Variants in QTMAN observed in about 807,000 individuals in gnomAD.
QTMAN encodes the protein tRNA-queuosine alpha-mannosyltransferase.
the QTMAN span, among the ~76,000 whole-genome samples, chr2:144,052,367 G>A: frequency 6.6e-6 from 1 of 152,196 alleles, no homozygotes; most frequent in East Asian, 1.9e-4. Flanking sequence ...ATATTGCGGG[G>A]TTAAGAAAAC....
the QTMAN span, among the ~76,000 whole-genome samples, chr2:144,221,781 A>C: frequency 1.3e-5 from 2 of 152,364 alleles, no homozygotes; most frequent in East Asian, 3.9e-4. Flanking sequence ...AAATTCATTT[A>C]AAAACTAATC....
chr2:144,266,256 T>C, the QTMAN span, among the ~76,000 whole-genome samples: 1 of 152,144 alleles, frequency 6.6e-6, no homozygotes, highest in African/African-American at 2.4e-5. Context: ...TAGGATTAAG[T>C]AGCAAAATGA....
chr2:144,012,213 C>T, the QTMAN span, among the ~76,000 whole-genome samples: 1 of 152,114 alleles, frequency 6.6e-6, no homozygotes, highest in Non-Finnish European at 1.5e-5. Context: ...CACAAAACCC[C>T]AGTACTATGT....
At chr2:144,284,321 G>A in the QTMAN span, among the ~76,000 whole-genome samples, 3 of 151,864 alleles carry the variant, frequency 2.0e-5, no homozygotes, top group Non-Finnish European at 4.4e-5. Flanking sequence ...ACAACATTAT[G>A]TCTAGCAGAA....
chr2:144,327,772 G>A, the QTMAN span, among the ~76,000 whole-genome samples: 1 of 152,074 alleles, frequency 6.6e-6, no homozygotes, highest in East Asian at 1.9e-4. Context: ...CCCCCTAAAG[G>A]TAGGGGAGAT....
chr2:144,088,096 A>G, the QTMAN span, among the ~76,000 whole-genome samples: 1 of 152,112 alleles, frequency 6.6e-6, no homozygotes, highest in African/African-American at 2.4e-5. Flanking sequence ...AAATGAATTC[A>G]GTAAAGTTGC....
At chr2:144,003,482 G>A in the QTMAN span, among the ~76,000 whole-genome samples, 4 of 150,218 alleles carry the variant, frequency 2.7e-5, no homozygotes, top group Non-Finnish European at 5.9e-5. Flanking sequence ...TTCTCTATAA[G>A]TTATTTCTAC....
At chr2:144,296,553 C>T in the QTMAN span, among the ~76,000 whole-genome samples, 1 of 152,266 alleles carries the variant, frequency 6.6e-6, no homozygotes, top group Non-Finnish European at 1.5e-5. Flanking sequence ...CAATCACTTA[C>T]AGCTAATACA....
At chr2:144,182,841 T>TATATATATA in the QTMAN span, among the ~76,000 whole-genome samples, 41 of 66,084 alleles carry the variant, frequency 6.2e-4, no homozygotes, top group African/African-American at 1.1e-3. Context: ...ATATATATAT[T>TATATATATA]ATATATATAT....
the QTMAN span, among the ~76,000 whole-genome samples, chr2:144,176,882 T>TG: frequency 6.6e-6 from 1 of 152,074 alleles, no homozygotes; most frequent in African/African-American, 2.4e-5. Context: ...TAAAGAAAAG[T>TG]GGTTTAATTG....
chr2:144,307,184 C>CAAAAAAAAAAAAAAAAAAAAAAAAAAAA, the QTMAN span, among the ~76,000 whole-genome samples: 1 of 63,844 alleles, frequency 1.6e-5, no homozygotes, highest in Non-Finnish European at 3.3e-5. Context: ...AAAAAAAAAA[C>CAAAAAAAAAAAAAAAAAAAAAAAAAAAA]AATTAAAAAA....
At chr2:144,082,917 G>C in the QTMAN span, among the ~76,000 whole-genome samples, 1 of 151,850 alleles carries the variant, frequency 6.6e-6, no homozygotes, top group Non-Finnish European at 1.5e-5. Context: ...CACATGCACA[G>C]GCACATGATC....
chr2:144,265,447 C>G, the QTMAN span, among the ~76,000 whole-genome samples: 23 of 152,270 alleles, frequency 1.5e-4, no homozygotes, highest in Non-Finnish European at 2.8e-4. Context: ...CCTGTAATCC[C>G]AGCACTTTGG....
chr2:144,081,264 C>T, the QTMAN span, among the ~76,000 whole-genome samples: 1 of 151,932 alleles, frequency 6.6e-6, no homozygotes, highest in Non-Finnish European at 1.5e-5. Context: ...TAAGGTAAGG[C>T]GTGGGAAGGG....
the QTMAN span, among the ~76,000 whole-genome samples, chr2:144,066,329 G>A: frequency 6.6e-6 from 1 of 152,108 alleles, no homozygotes; most frequent in Non-Finnish European, 1.5e-5. Context: ...TTCAACTAGT[G>A]AAATGAACCT....
chr2:143,970,592 C>T, the QTMAN span: 1 of 872,792 alleles, frequency 1.1e-6, no homozygotes, highest in Non-Finnish European at 2.0e-6. Context: ...GAAATTAATA[C>T]TTACGTTGTA....
At chr2:144,133,896 A>T in the QTMAN span, among the ~76,000 whole-genome samples, 1 of 152,080 alleles carries the variant, frequency 6.6e-6, no homozygotes, top group African/African-American at 2.4e-5. Flanking sequence ...TTAGCTTCAG[A>T]TTAATATTCA....
the QTMAN span, among the ~76,000 whole-genome samples, chr2:144,013,508 A>C: frequency 6.6e-6 from 1 of 152,186 alleles, no homozygotes; most frequent in Non-Finnish European, 1.5e-5. Flanking sequence ...TCCAAACTTG[A>C]AGCCATACAC....
chr2:144,005,765 T>C, the QTMAN span: 1 of 152,168 alleles, frequency 6.6e-6, no homozygotes, highest in Non-Finnish European at 1.5e-5. Flanking sequence ...CAATTTAGTA[T>C]TGTTAATTTT....
Sources: allele counts gnomAD v4.1 joint callset (sites outside exome capture counted in the v4.1 genomes callset), GRCh38; gene constraint gnomAD v4.1.1; transcripts MANE v1.5; gene names NCBI Gene and HGNC (gene_info 2026-07-23, HGNC 2026-07-21).